GPR158: variants seen among roughly 807,000 people sequenced by gnomAD.
GPR158 encodes the protein metabotropic glycine receptor.
A neutral mutation model predicts 78.2 loss-of-function variants in GPR158; 30 were observed. The observed-to-expected ratio is 0.38, with a 90% CI of 0.29 to 0.52. The LOEUF is 0.52. Ranked by LOEUF, GPR158 falls within the 20% of genes least tolerant of loss-of-function variation. GPR158 has a pLI of 0.83. For missense variants in GPR158, 1,463 were observed against 1,523.5 expected (o/e 0.96, Z 0.66); for synonymous variants, 581 against 591.1 (o/e 0.98, Z 0.25).
intron 2 of GPR158, among the ~76,000 whole-genome samples, chr10:25,389,200 G>T (rs1481496629): frequency 6.6e-6 from 1 of 152,132 alleles, no homozygotes; most frequent in East Asian, 1.9e-4. Flanking sequence ...CCTGTCCATG[G>T]CCACCCATGG....
chr10:25,205,208 A>G (rs1199717865), intron 1 of GPR158, among the ~76,000 whole-genome samples: 2 of 151,760 alleles, frequency 1.3e-5, no homozygotes, highest in Non-Finnish European at 2.9e-5. Flanking sequence ...TGTCTTTATC[A>G]GCAGCATGAA....
At chr10:25,236,027 A>G (rs1336192319) in intron 2 of GPR158, among the ~76,000 whole-genome samples, 2 of 151,784 alleles carry the variant, frequency 1.3e-5, no homozygotes, top group African/African-American at 4.8e-5. Flanking sequence ...ATGTTAGCCA[A>G]CCTCCATAGC....
At chr10:25,316,381 C>G (rs1287752782) in intron 2 of GPR158, among the ~76,000 whole-genome samples, 1 of 152,138 alleles carries the variant, frequency 6.6e-6, no homozygotes, top group African/African-American at 2.4e-5. Flanking sequence ...TTAAGTAGTT[C>G]AGTCCAAAGA....
At chr10:25,302,740 C>A (rs1403732521) in intron 2 of GPR158, among the ~76,000 whole-genome samples, 1 of 152,260 alleles carries the variant, frequency 6.6e-6, no homozygotes, top group South Asian at 2.1e-4. Flanking sequence ...TTTGGCAGCC[C>A]CTGTTCTAAG....
At chr10:25,460,126 TAAAG>T (rs1835338007) in intron 4 of GPR158, among the ~76,000 whole-genome samples, 2 of 152,264 alleles carry the variant, frequency 1.3e-5, no homozygotes, top group South Asian at 2.1e-4. Flanking sequence ...GAATATTAGT[TAAAG>T]GAAGGGCTTT....
At chr10:25,419,322 T>A (rs925769512) in intron 4 of GPR158, among the ~76,000 whole-genome samples, 5 of 152,232 alleles carry the variant, frequency 3.3e-5, no homozygotes, top group Non-Finnish European at 7.3e-5. Context: ...CCATATATTA[T>A]AACCTGATTT....
In GPR158 at chr10:25,511,098, T is replaced by C. The variant is rs570149090; in HGVS notation, c.1405-39878T>C. ...TGCTAGATCAAATGGTAGTTCTACTTTTGTTCTTTAAGGACTTTCCACGCT... is the reference window on the plus strand; with the variant it reads ...TGCTAGATCAAATGGTAGTTCTACTCTTGTTCTTTAAGGACTTTCCACGCT... On this transcript the variant is annotated intron_variant, in intron 5 of 10. Transcript: ENST00000376351. Among the ~76,000 whole-genome samples, 72 of 152,314 alleles carry C rather than the reference T, an allele frequency of 4.7e-4. No individual in the cohort carries two copies. The South Asian group carries it at 0.014, about 30-fold the overall frequency.
At chr10:25,250,487 T>A (rs1853778238) in intron 2 of GPR158, among the ~76,000 whole-genome samples, 1 of 146,874 alleles carries the variant, frequency 6.8e-6, no homozygotes, top group East Asian at 2.0e-4. Flanking sequence ...GCTTTGAATG[T>A]GTCCCAGAGA....
rs562712808 is a variant in GPR158, at chr10:25,191,321, A to T, written c.902+14999A>T. On this transcript the variant is annotated intron_variant, in intron 1 of 10. Transcript: ENST00000376351. ...ACTTGCATTAGCTATGGCTGCAGCG[A>T]ACTTGCAGTTTAATAACAGACACGA... Among the ~76,000 whole-genome samples, 112 of 152,350 alleles carry T rather than the reference A, an allele frequency of 7.4e-4. 1 individual carries two copies. The highest frequency in any genetic ancestry group is 2.6e-3 in the African/African-American group (108 of 41,578).
chr10:25,195,799 C>T (rs907113699), intron 1 of GPR158, among the ~76,000 whole-genome samples: 6 of 151,992 alleles, frequency 3.9e-5, no homozygotes, highest in South Asian at 2.1e-4. Flanking sequence ...TAAGTCTTCC[C>T]GTGCCAGAAA....
intron 2 of GPR158, among the ~76,000 whole-genome samples, chr10:25,303,003 AT>A (rs1854621349): frequency 1.3e-5 from 2 of 152,196 alleles, no homozygotes; most frequent in African/African-American, 4.8e-5. Context: ...AGTAATCATA[AT>A]ACGTGGCATT....
chr10:25,245,566 C>T (rs1401754530), intron 2 of GPR158, among the ~76,000 whole-genome samples: 1 of 152,068 alleles, frequency 6.6e-6, no homozygotes, highest in Non-Finnish European at 1.5e-5. Flanking sequence ...GATTCTCAAC[C>T]TTGATTTGTG....
intron 4 of GPR158, among the ~76,000 whole-genome samples, chr10:25,457,807 A>G (rs1835310629): frequency 6.6e-6 from 1 of 152,248 alleles, no homozygotes. Flanking sequence ...CTGCAACTGC[A>G]GTGAGTCAGC....
At chr10:25,233,600 T>C (rs1402353745) in intron 2 of GPR158, among the ~76,000 whole-genome samples, 1 of 152,246 alleles carries the variant, frequency 6.6e-6, no homozygotes, top group Non-Finnish European at 1.5e-5. Flanking sequence ...CTGCAAATCA[T>C]CTTTGTCTGC....
intron 5 of GPR158, among the ~76,000 whole-genome samples, chr10:25,478,594 G>C (rs1156684168): frequency 1.3e-5 from 2 of 151,808 alleles, no homozygotes; most frequent in Non-Finnish European, 2.9e-5. Flanking sequence ...GATACTAACT[G>C]TGATCTTTAT....
At chr10:25,450,732 C>T (rs935212960) in intron 4 of GPR158, among the ~76,000 whole-genome samples, 3 of 152,134 alleles carry the variant, frequency 2.0e-5, no homozygotes, top group Admixed American at 6.5e-5. Context: ...CTTCCTTCTT[C>T]CCCTTCTTTG....
chr10:25,513,214 C>T (rs1836108208), intron 5 of GPR158, among the ~76,000 whole-genome samples: 1 of 151,444 alleles, frequency 6.6e-6, no homozygotes, highest in Admixed American at 6.6e-5. Context: ...TTCAGTCTCG[C>T]TGTTTGCCAT....
chr10:25,277,999 T>C (rs921654909), intron 2 of GPR158, among the ~76,000 whole-genome samples: 1 of 152,090 alleles, frequency 6.6e-6, no homozygotes, highest in African/African-American at 2.4e-5. Context: ...TTGAGGCAAG[T>C]ATAAAACTTC....
At chr10:25,502,393 C>T (rs1835953975) in intron 5 of GPR158, among the ~76,000 whole-genome samples, 1 of 152,158 alleles carries the variant, frequency 6.6e-6, no homozygotes, top group African/African-American at 2.4e-5. Context: ...ACTGAGGTAA[C>T]TGTGGGGTAC....
Sources: gnomAD v4.1 joint callset for allele counts (sites outside exome capture counted in the v4.1 genomes callset) on GRCh38, gnomAD v4.1.1 for gene constraint, MANE v1.5 for transcripts, NCBI Gene and HGNC (gene_info 2026-07-23, HGNC 2026-07-21) for gene names.